KIF5B: variants seen among roughly 807,000 people sequenced by gnomAD.
The protein encoded by KIF5B is kinesin family member 5B, also known as kinesin-1 heavy chain.
A neutral mutation model predicts 132.8 loss-of-function variants in KIF5B; 49 were observed. The ratio of observed to expected loss-of-function variants is 0.37; its 90% CI spans 0.29 to 0.47. KIF5B has a LOEUF of 0.47. Among genes scored for constraint, KIF5B ranks in the 20% least tolerant of loss-of-function variants. The pLI is 1.00. For synonymous variants in KIF5B, 355 were observed against 369.4 expected (o/e 0.96, Z 0.45); for missense variants, 780 against 1,144.0 (o/e 0.68, Z 4.59).
intron 24 of KIF5B, among the ~76,000 whole-genome samples, chr10:32,016,806 G>A (rs1032958278): frequency 1.3e-5 from 2 of 152,192 alleles, no homozygotes; most frequent in African/African-American, 4.8e-5. Context: ...AAAGTGTTGG[G>A]ATTACAGGCG....
rs1422676554 is a variant in KIF5B, at chr10:32,025,649, T to TAA, written c.1726-2614_1726-2613insTT. 1.3e-4 allele frequency among the ~76,000 whole-genome samples: 20 copies of TAA among 152,238 alleles called. 1 individual carries two copies. The highest frequency in any genetic ancestry group is 4.8e-4 in the African/African-American group (20 of 41,456). Reference sequence around the variant, plus strand: ...CCTCGGCCTCCCGAAGTGCTGGGATTACAGGCATGAGCCACCATGCTCAGC... The same window carrying TAA: ...CCTCGGCCTCCCGAAGTGCTGGGATTAAACAGGCATGAGCCACCATGCTCAGC... On this transcript the variant is annotated intron_variant, in intron 15 of 25. Transcript: ENST00000302418.
intron 25 of KIF5B, among the ~76,000 whole-genome samples, chr10:32,014,123 G>A (rs1457832313): frequency 1.3e-5 from 2 of 152,152 alleles, no homozygotes; most frequent in East Asian, 3.8e-4. Flanking sequence ...TGAAGAGTTA[G>A]TTACAATCAG....
At chr10:32,016,048 G>A (rs1841155358) in intron 24 of KIF5B, among the ~76,000 whole-genome samples, 1 of 152,152 alleles carries the variant, frequency 6.6e-6, no homozygotes, top group African/African-American at 2.4e-5. Flanking sequence ...GAAGGCTGAG[G>A]TGGGAGGATT....
intron 2 of KIF5B, among the ~76,000 whole-genome samples, chr10:32,046,224 G>A (rs936733025): frequency 3.9e-5 from 6 of 152,224 alleles, no homozygotes; most frequent in African/African-American, 9.6e-5. Flanking sequence ...TTCATGAATC[G>A]GTAACTTTCT....
intron 20 of KIF5B, 24 bp from the exon 21 acceptor site, chr10:32,018,586 TA>T (rs1841211789): frequency 6.7e-7 from 1 of 1,500,742 alleles, no homozygotes; most frequent in Admixed American, 2.1e-5. Flanking sequence ...AACAAACATA[TA>T]TTTTCAAATT....
At chr10:32,050,476 T>C (rs900399858) in intron 1 of KIF5B, among the ~76,000 whole-genome samples, 1 of 152,194 alleles carries the variant, frequency 6.6e-6, no homozygotes, top group Admixed American at 6.5e-5. Context: ...CCTGGAGCTG[T>C]AGCATCCATC....
chr10:32,032,597 A>G (rs1841415632), intron 13 of KIF5B, 109 bp downstream of exon 13: 1 of 824,526 alleles, frequency 1.2e-6, no homozygotes. Flanking sequence ...TATTCCCACA[A>G]AGACAGTCAT....
In KIF5B at chr10:32,010,326, C is replaced by T. The variant is rs373708019; in HGVS notation, c.*1211G>A. The T allele has an allele frequency of 6.6e-6, 1 of 152,128 alleles. No individual in the cohort carries two copies. Among genetic ancestry groups the T allele is most frequent in the East Asian group, 1.9e-4 (1 of 5,202 alleles). The allele number at this position is 152,128 out of a possible 1,614,324, so 9.4% of individuals were successfully genotyped here. A position where few individuals can be genotyped will look rare whatever the true frequency, so the allele number is the denominator to read the frequency against. Reference sequence around the variant, plus strand: ...AAAAAGTGGCAAAAATACGTATACACTTAGTACTGATTACAAAATTATCGG... The same window carrying T: ...AAAAAGTGGCAAAAATACGTATACATTTAGTACTGATTACAAAATTATCGG... On this transcript the variant is annotated 3_prime_UTR_variant, in exon 26 of 26. Coordinates refer to ENST00000302418, the MANE Select transcript of KIF5B (RefSeq NM_004521.3).
intron 2 of KIF5B, among the ~76,000 whole-genome samples, chr10:32,043,986 G>A (rs529684763): frequency 1.2e-4 from 19 of 152,218 alleles, no homozygotes; most frequent in Admixed American, 1.0e-3. Flanking sequence ...ATTGTCCCAA[G>A]TACAACCTAC....
intron 25 of KIF5B, 29 bp downstream of exon 25, chr10:32,015,480 A>G (rs751006235): frequency 6.7e-7 from 1 of 1,486,958 alleles, no homozygotes; most frequent in Admixed American, 2.3e-5. Flanking sequence ...CCACAAACAG[A>G]TATGAAAAGC....
chr10:32,016,223 G>A (rs1042660276), intron 24 of KIF5B, among the ~76,000 whole-genome samples: 3 of 152,048 alleles, frequency 2.0e-5, no homozygotes, highest in Non-Finnish European at 2.9e-5. Flanking sequence ...TTGGGAGGCC[G>A]AGGCAGGTGG....
Position 32,055,947 on chromosome 10 carries a change from G to T in KIF5B, c.27C>A (p.Ile9=), listed in dbSNP as rs925972541. 2.5e-6 allele frequency: 4 copies of T among 1,609,858 alleles called. No individual in the cohort carries two copies. In the African/African-American group the frequency reaches 4.0e-5, roughly 16 times the overall value. The change falls in exon 1 of 26, where the codon ATC becomes ATA. Residue 9 remains isoleucine (I), a synonymous_variant. Coordinates refer to ENST00000302418, the MANE Select transcript of KIF5B (RefSeq NM_004521.3). MADLAECN[I]KVMCRFRPLN... is the part of the protein sequence containing the mutation. The stretch of plus-strand genomic sequence containing the variant: ...GAGGTCTGAAGCGACACATCACTTT[G>T]ATGTTGCACTCGGCCAGGTCCGCCA...
rs370715804 is a variant in KIF5B, at chr10:32,016,343, C to G, written c.2762-684G>C. ...TGGTGGCTTGCACCTTCAATCCCAG[C>G]TACTAGGGAGGCTGAGGCAGGAGAA... On this transcript the variant is annotated intron_variant, in intron 24 of 25. Coordinates refer to ENST00000302418, the MANE Select transcript of KIF5B (RefSeq NM_004521.3). Among the ~76,000 whole-genome samples the G allele has an allele frequency of 2.0e-5, 3 of 152,130 alleles. No homozygotes were observed. The East Asian group carries it at 5.8e-4, about 30-fold the overall frequency.
intron 8 of KIF5B, among the ~76,000 whole-genome samples, chr10:32,036,502 C>G (rs2132603468): frequency 6.6e-6 from 1 of 152,216 alleles, no homozygotes; most frequent in East Asian, 1.9e-4. Context: ...TCACTGCAAC[C>G]TCCGCTTCCC....
intron 2 of KIF5B, among the ~76,000 whole-genome samples, chr10:32,043,345 T>C (rs1266777736): frequency 6.6e-6 from 1 of 152,126 alleles, no homozygotes; most frequent in Non-Finnish European, 1.5e-5. Flanking sequence ...ATGAGAAAAC[T>C]GAGACACAGA....
In KIF5B at chr10:32,056,240, G is replaced by A; in HGVS notation, c.-267C>T. 2 of 441,602 alleles carry A rather than the reference G, an allele frequency of 4.5e-6. No individual in the cohort carries two copies. Among genetic ancestry groups the A allele is most frequent in the Non-Finnish European group, 8.0e-6 (2 of 249,968 alleles). 27.4% of individuals were successfully genotyped at this position (441,602 alleles called of 1,614,324 possible). ...CGGCGGCACCGGGGAGAGCGTCCGCGGCTCCTCAGCGTCCCCCTTTACGGT... is the reference window on the plus strand; with the variant it reads ...CGGCGGCACCGGGGAGAGCGTCCGCAGCTCCTCAGCGTCCCCCTTTACGGT... On this transcript the variant is annotated 5_prime_UTR_variant, in exon 1 of 26. Transcript: ENST00000302418.
intron 3 of KIF5B, among the ~76,000 whole-genome samples, chr10:32,039,941 A>T (rs1011670342): frequency 6.6e-6 from 1 of 152,212 alleles, no homozygotes; most frequent in Non-Finnish European, 1.5e-5. Flanking sequence ...GCAAAGCTAT[A>T]GTGGGTCCAC....
At chr10:32,050,078 T>G (rs1331889721) in intron 1 of KIF5B, among the ~76,000 whole-genome samples, 1 of 152,062 alleles carries the variant, frequency 6.6e-6, no homozygotes, top group Non-Finnish European at 1.5e-5. Flanking sequence ...TAGTTTCTCC[T>G]AAAGGAAAGG....
chr10:32,028,507 T>A lies in KIF5B; in HGVS notation c.1646A>T (p.Lys549Ile). The A allele has an allele frequency of 6.2e-7, 1 of 1,613,940 alleles. No homozygotes were observed. The highest frequency in any genetic ancestry group is 1.1e-5 in the South Asian group (1 of 91,064). ...AGATGCCATCATCTCAGCTGCTCGT[T>A]TTTTCTGGTGGTTGGTCATTTCCTT... The part of the protein sequence containing the change: ...KLKEMTNHQK[K>I]RAAEMMASLL... Residue 549 changes from lysine to isoleucine, a missense_variant, in exon 15 of 26, where the codon AAA becomes ATA. Transcript: ENST00000302418.
Sources: gnomAD v4.1 joint callset for allele counts (sites outside exome capture counted in the v4.1 genomes callset) on GRCh38, gnomAD v4.1.1 for gene constraint, MANE v1.5 for transcripts, NCBI Gene and HGNC (gene_info 2026-07-23, HGNC 2026-07-21) for gene names.